Variants in C6orf118 observed in about 807,000 individuals in gnomAD.
C6orf118 encodes the protein chromosome 6 open reading frame 118, also known as uncharacterized protein C6orf118.
In C6orf118, 50 loss-of-function variants were observed where a neutral mutation model predicts 50.2. That is an observed-to-expected ratio of 1.00 (90% confidence interval 0.79 to 1.26). The LOEUF is 1.26. Among genes scored for constraint, C6orf118 ranks in the 50% most tolerant of loss-of-function variants. C6orf118 has a pLI of 0.00. For missense variants in C6orf118, 641 were observed against 578.7 expected, an observed-to-expected ratio of 1.11 and a Z score of -1.10; for synonymous variants, 239 against 230.9, an observed-to-expected ratio of 1.03 and a Z score of -0.32.
intron 1 of C6orf118, among the ~76,000 whole-genome samples, chr6:165,307,971 C>A (rs1370121224): frequency 6.6e-6 from 1 of 152,168 alleles, no homozygotes; most frequent in East Asian, 1.9e-4. Flanking sequence ...TTTCCTGAAC[C>A]CACGGATAAA....
Position 165,301,620 on chromosome 6 carries a change from A to G in C6orf118, c.702T>C (p.Asn234=). 1 of 1,613,966 alleles carries G rather than the reference A, an allele frequency of 6.2e-7. No homozygotes were observed. Among genetic ancestry groups the G allele is most frequent in the Non-Finnish European group, 8.5e-7 (1 of 1,179,984 alleles). Residue 234 remains asparagine, a synonymous_variant, in exon 2 of 9, where the codon AAT becomes AAC. Coordinates refer to ENST00000230301, the MANE Select transcript of C6orf118 (RefSeq NM_144980.4). The part of the protein sequence containing the change: ...EVLAKQDLLK[N]DFTGSKAAAG... ...CGGCCGCCTTGCTCCCAGTGAAGTC[A>G]TTCTTCAGGAGATCTTGCTTGGCGA...
intron 2 of C6orf118, 50 bp downstream of exon 2, chr6:165,301,519 T>A (rs1366551501): frequency 6.4e-7 from 1 of 1,562,754 alleles, no homozygotes; most frequent in Non-Finnish European, 8.6e-7. Context: ...CACCGAGAGC[T>A]ATGCCCTGAG....
In C6orf118 at chr6:165,289,353, TA is replaced by T. The variant is rs553427979; in HGVS notation, c.1302+532del. ...AATATATTTAACTATAGAACCACAA[TA>T]AAAAAAATCATGTATTTCTTATATA... is the stretch of plus-strand genomic sequence containing the variant. On this transcript the variant is annotated intron_variant, in intron 7 of 8. Transcript: ENST00000230301. 5.6e-3 allele frequency among the ~76,000 whole-genome samples: 849 copies of T among 152,092 alleles called. 6 individuals carry two copies. Among genetic ancestry groups the T allele is most frequent in the African/African-American group, 0.019 (809 of 41,512 alleles).
At chr6:165,297,161 C>T (rs1780338671) in intron 5 of C6orf118, among the ~76,000 whole-genome samples, 1 of 152,098 alleles carries the variant, frequency 6.6e-6, no homozygotes, top group Admixed American at 6.5e-5. Context: ...TAGCTCATGC[C>T]TGTAATCCCA....
intron 7 of C6orf118, among the ~76,000 whole-genome samples, chr6:165,284,020 C>T (rs762019394): frequency 8.7e-4 from 133 of 152,094 alleles, no homozygotes; most frequent in Non-Finnish European, 5.4e-4. Context: ...TGGGTAATAA[C>T]GAACTTCACT....
intron 4 of C6orf118, 94 bp downstream of exon 4, chr6:165,299,349 G>T: frequency 9.3e-7 from 1 of 1,075,702 alleles, no homozygotes; most frequent in Non-Finnish European, 1.4e-6. Context: ...GGCACACATG[G>T]GGCTTCTTGG....
In C6orf118 at chr6:165,280,112, T is replaced by C; in HGVS notation, c.1357-2A>G. 1.3e-6 allele frequency: 2 copies of C among 1,596,108 alleles called. No homozygotes were observed. The highest frequency in any genetic ancestry group is 1.7e-6 in the Non-Finnish European group (2 of 1,169,228). ...TCCTTGATAAATTTCCAAAGGCCCC[T>C]TAAAATACATAAGAAATGAATACCA... On this transcript the variant is annotated splice_acceptor_variant, in intron 8 of 8. Transcript: ENST00000230301. LOFTEE classifies it high-confidence loss of function.
rs1780491647 is a variant in C6orf118 at position 165,300,597 on chromosome 6, G to A, written c.754-111C>T. On this transcript the variant is annotated intron_variant, in intron 2 of 8. Transcript: ENST00000230301. ...GCTGCCATCACCCTGGCGAGTGGGC[G>A]GGGCGGCACAGGGGGCCAGTCTCGG... The A allele has an allele frequency of 6.0e-6, 6 of 1,004,218 alleles. No individual in the cohort carries two copies. In the Admixed American group the frequency reaches 9.7e-5, roughly 16 times the overall value. 62.2% of individuals were successfully genotyped at this position (1,004,218 alleles called of 1,614,324 possible).
At chr6:165,300,541 AC>A in intron 2 of C6orf118, 55 bp from the exon 3 acceptor site, 1 of 1,560,406 alleles carries the variant, frequency 6.4e-7, no homozygotes, top group Non-Finnish European at 8.7e-7. Flanking sequence ...TTCTTCCAGA[AC>A]CGAATTTCTC....
At chr6:165,302,840 G>C (rs1247334819) in intron 1 of C6orf118, among the ~76,000 whole-genome samples, 1 of 152,090 alleles carries the variant, frequency 6.6e-6, no homozygotes, top group East Asian at 1.9e-4. Flanking sequence ...AACCACAGTT[G>C]CCTCCTCTGC....
intron 5 of C6orf118, among the ~76,000 whole-genome samples, chr6:165,296,076 T>C (rs1780287805): frequency 6.6e-6 from 1 of 152,098 alleles, no homozygotes; most frequent in South Asian, 2.1e-4. Flanking sequence ...CTCTCTTCCA[T>C]GAACTTTTCC....
intron 1 of C6orf118, among the ~76,000 whole-genome samples, chr6:165,307,649 A>C (rs1780792750): frequency 6.6e-6 from 1 of 152,148 alleles, no homozygotes; most frequent in South Asian, 2.1e-4. Flanking sequence ...GTCTCATTCT[A>C]GAACATTCAT....
At chr6:165,294,538 T>C (rs151217217) in intron 5 of C6orf118, among the ~76,000 whole-genome samples, 1 of 152,270 alleles carries the variant, frequency 6.6e-6, no homozygotes, top group East Asian at 1.9e-4. Context: ...CACATGTTAG[T>C]TCTTTTCATC....
intron 1 of C6orf118, among the ~76,000 whole-genome samples, chr6:165,307,001 T>G (rs1294161593): frequency 6.6e-6 from 1 of 152,160 alleles, no homozygotes; most frequent in Non-Finnish European, 1.5e-5. Flanking sequence ...AAGAATTTAT[T>G]GGAAATTATG....
chr6:165,284,036 A>G (rs1044507217), intron 7 of C6orf118, among the ~76,000 whole-genome samples: 2 of 152,202 alleles, frequency 1.3e-5, no homozygotes, highest in Non-Finnish European at 2.9e-5. Flanking sequence ...TCACTGAGCT[A>G]AAGGAGTATG....
At chr6:165,289,806 CA>C (rs1483069910) in intron 7 of C6orf118, 79 bp downstream of exon 7, 9 of 951,450 alleles carry the variant, frequency 9.5e-6, no homozygotes, top group Non-Finnish European at 1.3e-5. Context: ...ACCCTATTAC[CA>C]AATCACATTA....
At chr6:165,281,001 C>T (rs1779709999) in intron 8 of C6orf118, among the ~76,000 whole-genome samples, 2 of 152,120 alleles carry the variant, frequency 1.3e-5, no homozygotes, top group Admixed American at 1.3e-4. Context: ...ATAGTACCAA[C>T]TCAAAGAAAA....
In C6orf118 at chr6:165,309,476, C is replaced by A. The variant is rs1780864135; in HGVS notation, c.25+86G>T. The A allele has an allele frequency of 2.6e-6, 4 of 1,514,592 alleles. No individual in the cohort carries two copies. The South Asian group carries it at 4.5e-5, about 17-fold the overall frequency. The allele number at this position is 1,514,592 out of a possible 1,614,324, so 93.8% of individuals were successfully genotyped here. A position where few individuals can be genotyped will look rare whatever the true frequency, so the allele number is the denominator to read the frequency against. ...CCACCAGAAAAAGATTTTCACATTT[C>A]AAATCAGTCTTCAGAAGCCCATCCC... On this transcript the variant is annotated intron_variant, in intron 1 of 8. Transcript: ENST00000230301.
intron 5 of C6orf118, 113 bp from the exon 6 acceptor site, chr6:165,293,584 T>C: frequency 1.3e-6 from 1 of 790,758 alleles, no homozygotes. Flanking sequence ...ATAGATCTGC[T>C]TACTTTTAAC....
Sources: gnomAD v4.1 joint callset for allele counts (sites outside exome capture counted in the v4.1 genomes callset) on GRCh38, gnomAD v4.1.1 for gene constraint, MANE v1.5 for transcripts, NCBI Gene and HGNC (gene_info 2026-07-23, HGNC 2026-07-21) for gene names.